Variants in PRDM16 observed in about 807,000 individuals in gnomAD.
PRDM16 encodes the protein histone-lysine N-methyltransferase PRDM16.
A neutral mutation model predicts 110.6 loss-of-function variants in PRDM16; 23 were observed. The ratio of observed to expected loss-of-function variants is 0.21; its 90% CI spans 0.15 to 0.29. The LOEUF (loss-of-function observed/expected upper bound fraction) is 0.29, where lower values mean the gene tolerates loss of function less well. Among genes scored for constraint, PRDM16 ranks in the 10% least tolerant of loss-of-function variants. The probability of loss-of-function intolerance (pLI) is 1.00; values close to 1 mark genes in which losing one functional copy is unlikely to be tolerated. For missense variants in PRDM16, 1,615 were observed against 1,794.3 expected (o/e 0.90, Z 1.81); for synonymous variants, 799 against 781.8 (o/e 1.02, Z -0.37).
rs981579952 is a variant in PRDM16 at position 3,436,748 on chromosome 1, G to A, written c.*2937G>A. ...CCTCCAGCTGTCACCACACCGTAAC[G>A]GGGCCATGTAACTGTGCAGCATGGA... On this transcript the variant is annotated 3_prime_UTR_variant, in exon 17 of 17. Transcript: ENST00000270722. 7 of 232,944 alleles carry A rather than the reference G, an allele frequency of 3.0e-5. No individual in the cohort carries two copies. Among genetic ancestry groups the A allele is most frequent in the East Asian group, 6.1e-5 (1 of 16,522 alleles). The allele number at this position is 232,944 out of a possible 1,614,324, so 14.4% of individuals were successfully genotyped here.
Position 3,204,928 on chromosome 1 carries a change from G to A in PRDM16, c.387+18454G>A, listed in dbSNP as rs541744602. ...GGCCCTCGCCGGGACAATGTGCTCC[G>A]AACGGGGAGCTGGGAAGGCCCCGCG... On this transcript the variant is annotated intron_variant, in intron 2 of 16. Transcript: ENST00000270722. Among the ~76,000 whole-genome samples, 8 of 152,310 alleles carry A rather than the reference G, an allele frequency of 5.3e-5. No homozygotes were observed. The East Asian group carries it at 9.7e-4, about 18-fold the overall frequency.
chr1:3,104,704 C>T (rs1333897471), intron 1 of PRDM16, among the ~76,000 whole-genome samples: 3 of 152,260 alleles, frequency 2.0e-5, no homozygotes, highest in African/African-American at 7.2e-5. Context: ...GGCTACAAAC[C>T]CCTAGTGAAG....
At chr1:3,240,953 C>G (rs1639656696) in intron 2 of PRDM16, among the ~76,000 whole-genome samples, 1 of 152,218 alleles carries the variant, frequency 6.6e-6, no homozygotes, top group South Asian at 2.1e-4. Context: ...TGCCGGGGTG[C>G]GGGGAGGTTG....
intron 1 of PRDM16, among the ~76,000 whole-genome samples, chr1:3,183,590 G>A (rs1644234602): frequency 6.6e-6 from 1 of 152,240 alleles, no homozygotes; most frequent in African/African-American, 2.4e-5. Flanking sequence ...GCCGGGGAAG[G>A]GAGGCCGGGG....
At position 3,304,661 on chromosome 1, in the gene PRDM16, G is replaced by T. The variant is rs1189864121; in HGVS notation, c.438+60524G>T. On this transcript the variant is annotated intron_variant, in intron 3 of 16. Coordinates refer to ENST00000270722, the MANE Select transcript of PRDM16 (RefSeq NM_022114.4). ...ACATAGGTTTTTTGTGTGCATTGAT[G>T]ACAGCGCAAATAAGGGAGGGCAGTG... Among the ~76,000 whole-genome samples, 3 of 152,196 alleles carry T rather than the reference G, an allele frequency of 2.0e-5. No homozygotes were observed. The East Asian group carries it at 5.8e-4, about 29-fold the overall frequency.
In PRDM16 at chr1:3,412,420, G is replaced by C; in HGVS notation, c.2223G>C (p.Thr741=). The change falls in exon 9 of 17, where the codon ACG becomes ACC. Residue 741 remains threonine, a synonymous_variant. Coordinates refer to ENST00000270722, the MANE Select transcript of PRDM16 (RefSeq NM_022114.4). ...TCCCCCACTCCCTTTACCCCTTCAC[G>C]GACCGAGCCCTCGCCCACAACTTGC... ...PNFPHSLYPF[T]DRALAHNLLV... 1 of 1,612,388 alleles carries C rather than the reference G, an allele frequency of 6.2e-7. No individual in the cohort carries two copies. The highest frequency in any genetic ancestry group is 8.5e-7 in the Non-Finnish European group (1 of 1,179,484).
chr1:3,388,527 G>A (rs1374495577), intron 4 of PRDM16, among the ~76,000 whole-genome samples: 2 of 152,224 alleles, frequency 1.3e-5, no homozygotes, highest in African/African-American at 2.4e-5. Context: ...GGAAAAAGGA[G>A]ACTAGGGCAG....
chr1:3,403,024 C>T (rs976290625), intron 6 of PRDM16, 26 bp downstream of exon 6: 1 of 1,506,946 alleles, frequency 6.6e-7, no homozygotes, highest in Admixed American at 1.9e-5. Context: ...CTGAGTCTTC[C>T]TCCCCTTCCC....
In PRDM16 at chr1:3,146,974, TGTG is replaced by T. The variant is rs777797001; in HGVS notation, c.38-39149_38-39147del. On this transcript the variant is annotated intron_variant, in intron 1 of 16. Coordinates refer to ENST00000270722, the MANE Select transcript of PRDM16 (RefSeq NM_022114.4). ...GGGGTATGTGTGCACGTGTGCTCGG[TGTG>T]GGGTGTGTGTGCATGTGTGTGCTTG... Among the ~76,000 whole-genome samples, 5 of 99,128 alleles carry T rather than the reference TGTG, an allele frequency of 5.0e-5. No homozygotes were observed. In the East Asian group the frequency reaches 1.9e-3, roughly 38 times the overall value. 65.0% of individuals were successfully genotyped at this position (99,128 alleles called of 152,430 possible). A position where few individuals can be genotyped will look rare whatever the true frequency, so the allele number is the denominator to read the frequency against.
At chr1:3,077,926 G>A (rs1641935807) in intron 1 of PRDM16, among the ~76,000 whole-genome samples, 1 of 152,218 alleles carries the variant, frequency 6.6e-6, no homozygotes, top group African/African-American at 2.4e-5. Context: ...ATTGTTAGCT[G>A]CTCATTTCAA....
intron 1 of PRDM16, among the ~76,000 whole-genome samples, chr1:3,070,620 C>T (rs887971118): frequency 6.6e-5 from 10 of 151,444 alleles, no homozygotes; most frequent in Non-Finnish European, 1.3e-4. Context: ...GTCCGCGCCT[C>T]CGGGGCCGGG....
intron 1 of PRDM16, among the ~76,000 whole-genome samples, chr1:3,093,828 A>G (rs1198113578): frequency 6.6e-6 from 1 of 152,192 alleles, no homozygotes; most frequent in Admixed American, 6.5e-5. Context: ...TCCGAAGCGC[A>G]GGGAAGGAGG....
intron 1 of PRDM16, among the ~76,000 whole-genome samples, chr1:3,138,091 C>A (rs778936133): frequency 8.5e-5 from 13 of 152,174 alleles, no homozygotes; most frequent in South Asian, 4.1e-4. Context: ...GCCTGGCAAG[C>A]CCAACTTGTC....
intron 3 of PRDM16, among the ~76,000 whole-genome samples, chr1:3,305,982 C>G (rs981106369): frequency 2.0e-5 from 3 of 152,266 alleles, no homozygotes; most frequent in African/African-American, 7.2e-5. Context: ...GTGCTGGGTA[C>G]AGTCCCAAGC....
intron 1 of PRDM16, among the ~76,000 whole-genome samples, chr1:3,182,817 T>C (rs1389225450): frequency 6.6e-6 from 1 of 152,186 alleles, no homozygotes; most frequent in East Asian, 1.9e-4. Context: ...TAGACTCGGC[T>C]GGAACTGGCA....
intron 1 of PRDM16, among the ~76,000 whole-genome samples, chr1:3,181,958 A>G (rs567834557): frequency 6.6e-6 from 1 of 152,150 alleles, no homozygotes; most frequent in East Asian, 1.9e-4. Flanking sequence ...ACAGTCTTAC[A>G]CATGCCTTAC....
At chr1:3,295,772 G>A (rs1345654746) in intron 3 of PRDM16, among the ~76,000 whole-genome samples, 5 of 152,168 alleles carry the variant, frequency 3.3e-5, no homozygotes, top group African/African-American at 1.2e-4. Context: ...GAATTCTGTA[G>A]GCTGAAGACA....
intron 1 of PRDM16, among the ~76,000 whole-genome samples, chr1:3,102,396 C>A (rs1434443015): frequency 6.6e-6 from 1 of 152,152 alleles, no homozygotes; most frequent in Non-Finnish European, 1.5e-5. Flanking sequence ...TCATGGGAAG[C>A]CACCTCTGGG....
intron 3 of PRDM16, among the ~76,000 whole-genome samples, chr1:3,335,631 A>ACACCCACACCCACACC (rs1642129799): frequency 6.6e-6 from 1 of 151,964 alleles, no homozygotes; most frequent in African/African-American, 2.4e-5. Flanking sequence ...ACACACACAC[A>ACACCCACACCCACACC]CACACACACA....
Sources: gnomAD v4.1 joint callset for allele counts (sites outside exome capture counted in the v4.1 genomes callset) on GRCh38, gnomAD v4.1.1 for gene constraint, MANE v1.5 for transcripts, NCBI Gene and HGNC (gene_info 2026-07-23, HGNC 2026-07-21) for gene names.